The following BCAS4 variants were observed in gnomAD, a reference collection of about 807,000 sequenced individuals.
BCAS4 encodes the protein breast carcinoma-amplified sequence 4.
BCAS4 carries 9 observed loss-of-function variants against 15.7 expected under a neutral mutation model. The observed-to-expected ratio is 0.57, with a 90% CI of 0.34 to 1.00. The LOEUF is 1.00. Ranked by LOEUF, BCAS4 falls within the 50% of genes least tolerant of loss-of-function variation. The pLI is 0.02. For missense variants in BCAS4, 225 were observed against 239.1 expected (o/e 0.94, Z 0.39); for synonymous variants, 101 against 99.5 (o/e 1.02, Z -0.09).
chr20:50,821,055 G>A (rs1018440857), intron 2 of BCAS4, among the ~76,000 whole-genome samples: 1 of 152,200 alleles, frequency 6.6e-6, no homozygotes, highest in Admixed American at 6.5e-5. Flanking sequence ...TGGCAAGCAA[G>A]CGACCACCTG....
At chr20:50,861,877 G>T in intron 4 of BCAS4, among the ~76,000 whole-genome samples, 1 of 107,202 alleles carries the variant, frequency 9.3e-6, no homozygotes, top group Middle Eastern at 6.5e-3. Context: ...TTTTAGATAC[G>T]GGTTCTTGCT....
chr20:50,837,427 G>A (rs1232943801), intron 3 of BCAS4, among the ~76,000 whole-genome samples: 1 of 152,134 alleles, frequency 6.6e-6, no homozygotes. Flanking sequence ...GTGTCCAGGG[G>A]GGAAAATGTG....
chr20:50,838,085 G>A (rs1212466207), intron 3 of BCAS4, among the ~76,000 whole-genome samples: 1 of 152,180 alleles, frequency 6.6e-6, no homozygotes, highest in Non-Finnish European at 1.5e-5. Flanking sequence ...GCAGCAGCAC[G>A]AGAGAAGCCT....
chr20:50,802,257 G>A (rs2123747238), intron 1 of BCAS4, among the ~76,000 whole-genome samples: 1 of 152,252 alleles, frequency 6.6e-6, no homozygotes, highest in East Asian at 1.9e-4. Flanking sequence ...TGTACTGGGG[G>A]GACCGCAGTG....
At chr20:50,813,439 C>G (rs894712725) in intron 1 of BCAS4, among the ~76,000 whole-genome samples, 1 of 152,174 alleles carries the variant, frequency 6.6e-6, no homozygotes, top group Non-Finnish European at 1.5e-5. Flanking sequence ...CTGCAAGAGT[C>G]CTAGCAAGAG....
At chr20:50,819,377 G>C (rs1177987622) in intron 2 of BCAS4, among the ~76,000 whole-genome samples, 5 of 152,100 alleles carry the variant, frequency 3.3e-5, no homozygotes, top group Non-Finnish European at 7.4e-5. Context: ...ATTGTGACCA[G>C]GCCCTGTGTC....
chr20:50,795,925 C>T (rs1406049593), intron 1 of BCAS4, among the ~76,000 whole-genome samples: 1 of 152,172 alleles, frequency 6.6e-6, no homozygotes, highest in African/African-American at 2.4e-5. Flanking sequence ...TCTGTATCTG[C>T]CTAGGCAGAG....
chr20:50,807,951 A>G (rs938743547), intron 1 of BCAS4, among the ~76,000 whole-genome samples: 12 of 133,504 alleles, frequency 9.0e-5, no homozygotes, highest in Non-Finnish European at 1.7e-4. Context: ...TCTCTTACCC[A>G]GGCTGGAGTG....
intron 3 of BCAS4, among the ~76,000 whole-genome samples, chr20:50,834,698 A>G (rs187557482): frequency 4.2e-4 from 64 of 152,316 alleles, no homozygotes; most frequent in African/African-American, 1.4e-3. Flanking sequence ...AAGATACCAC[A>G]TGTCTATTAG....
At chr20:50,871,049 G>C (rs116132887) in intron 4 of BCAS4, among the ~76,000 whole-genome samples, 1 of 152,246 alleles carries the variant, frequency 6.6e-6, no homozygotes, top group African/African-American at 2.4e-5. Context: ...CCCCAGCGGG[G>C]ACTCATTCCC....
chr20:50,851,280 A>T lies in BCAS4; in HGVS notation c.399+9380A>T, dbSNP rs1264849615. On this transcript the variant is annotated intron_variant, in intron 4 of 4. Coordinates refer to ENST00000371608, the MANE Select transcript of BCAS4 (RefSeq NM_198799.4). This position sits in a 1 kb window ranked among gnomAD's most constrained non-coding sequence, Gnocchi z 4.3. ...TCAGCCCTTGCAGTAAAAATGCAGCAGGAGCAGATAGCAAATATGAGGACC... is the reference window on the plus strand; with the variant it reads ...TCAGCCCTTGCAGTAAAAATGCAGCTGGAGCAGATAGCAAATATGAGGACC... Among the ~76,000 whole-genome samples the T allele has an allele frequency of 6.6e-6, 1 of 152,182 alleles. No individual in the cohort carries two copies. The highest frequency in any genetic ancestry group is 1.5e-5 in the Non-Finnish European group (1 of 68,028).
chr20:50,801,317 T>C lies in BCAS4; in HGVS notation c.90+6144T>C, dbSNP rs559933423. Among the ~76,000 whole-genome samples the C allele has an allele frequency of 2.5e-4, 38 of 152,074 alleles. 1 individual carries two copies. The South Asian group carries it at 7.9e-3, about 32-fold the overall frequency. On this transcript the variant is annotated intron_variant, in intron 1 of 4. Coordinates refer to ENST00000371608, the MANE Select transcript of BCAS4 (RefSeq NM_198799.4). ...GGCAGGTGCCTGTAATCCCAGGTAG[T>C]TGTGTGGCTGAGGCAGGAGAATTGC...
intron 4 of BCAS4, chr20:50,846,620 T>C (rs1181688368): frequency 7.1e-6 from 1 of 140,120 alleles, no homozygotes; most frequent in African/African-American, 2.7e-5. Flanking sequence ...TTTTTTTTTT[T>C]TTTTTTTTTT....
At chr20:50,802,010 T>C (rs1438842927) in intron 1 of BCAS4, among the ~76,000 whole-genome samples, 1 of 151,700 alleles carries the variant, frequency 6.6e-6, no homozygotes, top group Non-Finnish European at 1.5e-5. Flanking sequence ...TGAATTCTGT[T>C]CTAGGGTCAT....
chr20:50,818,497 C>T (rs1048597220), intron 2 of BCAS4, among the ~76,000 whole-genome samples: 2 of 152,246 alleles, frequency 1.3e-5, no homozygotes, highest in Non-Finnish European at 2.9e-5. Context: ...CCTGAGGCGG[C>T]CATCTTGATC....
intron 3 of BCAS4, chr20:50,840,885 A>T (rs2088471834): frequency 1.4e-6 from 1 of 714,874 alleles, no homozygotes; most frequent in Non-Finnish European, 2.5e-6. Context: ...GCTGGACTGC[A>T]ATGGCGCGAT....
chr20:50,860,937 G>T (rs1979034606), intron 4 of BCAS4, among the ~76,000 whole-genome samples: 2 of 151,756 alleles, frequency 1.3e-5, no homozygotes, highest in African/African-American at 4.8e-5. Flanking sequence ...TGAGGCTGCA[G>T]TGAGCCGTGA....
intron 3 of BCAS4, among the ~76,000 whole-genome samples, chr20:50,840,187 T>A (rs925341795): frequency 2.0e-5 from 3 of 152,172 alleles, no homozygotes; most frequent in Non-Finnish European, 4.4e-5. Context: ...AGAATTCTTT[T>A]TTTATTTATT....
chr20:50,798,071 G>A (rs533315687), intron 1 of BCAS4, among the ~76,000 whole-genome samples: 19 of 152,016 alleles, frequency 1.2e-4, no homozygotes, highest in East Asian at 5.9e-4. Context: ...CAGGGCAGGC[G>A]GATCACTTGA....
Sources: gnomAD v4.1 joint callset for allele counts (sites outside exome capture counted in the v4.1 genomes callset) on GRCh38, gnomAD v4.1.1 for gene constraint, Gnocchi (gnomAD v3.1) non-coding constraint, MANE v1.5 for transcripts, NCBI Gene and HGNC (gene_info 2026-07-23, HGNC 2026-07-21) for gene names.